CIT: variants seen among roughly 807,000 people sequenced by gnomAD.
The protein encoded by CIT is citron Rho-interacting kinase.
CIT carries 79 observed loss-of-function variants against 272.7 expected under a neutral mutation model. That is an observed-to-expected ratio of 0.29 (90% CI 0.24 to 0.35). CIT has a LOEUF of 0.35. Ranked by LOEUF, CIT falls within the 10% of genes least tolerant of loss-of-function variation. The pLI is 1.00. For missense variants in CIT, 1,909 were observed against 2,618.3 expected (o/e 0.73, Z 5.91); for synonymous variants, 948 against 995.6 (o/e 0.95, Z 0.90).
At chr12:119,736,619 T>C (rs1958774944) in intron 24 of CIT, among the ~76,000 whole-genome samples, 1 of 152,252 alleles carries the variant, frequency 6.6e-6, no homozygotes, top group Non-Finnish European at 1.5e-5. Flanking sequence ...AAAAGTTATC[T>C]GGTCAGGTTC....
At position 119,689,179 on chromosome 12, in the gene CIT, T is replaced by TAAAAC. The variant is rs1263466351; in HGVS notation, c.6187-929_6187-925dup. Among the ~76,000 whole-genome samples the TAAAAC allele has an allele frequency of 7.9e-5, 11 of 139,398 alleles. No homozygotes were observed. In the East Asian group the frequency reaches 2.0e-3, roughly 25 times the overall value. The allele number at this position is 139,398 out of a possible 152,430, so 91.5% of individuals were successfully genotyped here. ...GGGCAACATAGTAAGACCCTGTCTC[T>TAAAAC]AAAACAAAACAAAACAAACAAACAA... On this transcript the variant is annotated intron_variant, in intron 47 of 47. Coordinates refer to ENST00000392521, the MANE Select transcript of CIT (RefSeq NM_001206999.2).
Position 119,712,752 on chromosome 12 carries a change from G to A in CIT, c.4580-57C>T. The stretch of plus-strand genomic sequence containing the variant: ...ACAAAAGAACAGGAACAAGAACAAG[G>A]GGAGAAGAGAGAGCGAGAGAGACAG... On this transcript the variant is annotated intron_variant, in intron 35 of 47. Transcript: ENST00000392521. This position sits in a 1 kb window ranked among gnomAD's most constrained non-coding sequence, Gnocchi z 5.2. 7.0e-7 allele frequency: 1 copy of A among 1,431,512 alleles called. No individual in the cohort carries two copies. The highest frequency in any genetic ancestry group is 9.8e-7 in the Non-Finnish European group (1 of 1,015,372). The allele number at this position is 1,431,512 out of a possible 1,614,324, so 88.7% of individuals were successfully genotyped here.
At position 119,718,993 on chromosome 12, in the gene CIT, A is replaced by G; in HGVS notation, c.3841-132T>C. On this transcript the variant is annotated intron_variant, in intron 30 of 47. Coordinates refer to ENST00000392521, the MANE Select transcript of CIT (RefSeq NM_001206999.2). This position sits in a 1 kb window ranked among gnomAD's most constrained non-coding sequence, Gnocchi z 4.8. ...CTCACTGTAAGTGTATTTAGTAAAA[A>G]TGGCATGTGAAGGGGGGGAAGGGTA... 1 of 888,714 alleles carries G rather than the reference A, an allele frequency of 1.1e-6. No homozygotes were observed. The highest frequency in any genetic ancestry group is 1.7e-6 in the Non-Finnish European group (1 of 587,224). 55.1% of individuals were successfully genotyped at this position (888,714 alleles called of 1,614,324 possible). A position where few individuals can be genotyped will look rare whatever the true frequency, so the allele number is the denominator to read the frequency against.
chr12:119,782,655 T>C lies in CIT; in HGVS notation c.1546-18A>G. 6.2e-7 allele frequency: 1 copy of C among 1,613,390 alleles called. No individual in the cohort carries two copies. Among genetic ancestry groups the C allele is most frequent in the Non-Finnish European group, 8.5e-7 (1 of 1,179,832 alleles). On this transcript the variant is annotated intron_variant, in intron 12 of 47. Coordinates refer to ENST00000392521, the MANE Select transcript of CIT (RefSeq NM_001206999.2). ...TTTAAGCTCTGCAGAAAGCAAAAATTTTAATAGGGATGCCCTGTGGATCCT... is the reference window on the plus strand; with the variant it reads ...TTTAAGCTCTGCAGAAAGCAAAAATCTTAATAGGGATGCCCTGTGGATCCT...
At chr12:119,704,042 C>T (rs74373703) in intron 41 of CIT, among the ~76,000 whole-genome samples, 1 of 152,096 alleles carries the variant, frequency 6.6e-6, no homozygotes, top group East Asian at 1.9e-4. Context: ...AAAGAGCCCC[C>T]CCTTTTTTTT....
chr12:119,752,819 C>T (rs533662730), intron 22 of CIT, among the ~76,000 whole-genome samples: 1 of 152,292 alleles, frequency 6.6e-6, no homozygotes, highest in East Asian at 1.9e-4. Context: ...ATTTACTCAG[C>T]AATTTCTGTG....
At chr12:119,837,817 A>C (rs920294555) in intron 5 of CIT, among the ~76,000 whole-genome samples, 1 of 152,228 alleles carries the variant, frequency 6.6e-6, no homozygotes, top group Non-Finnish European at 1.5e-5. Context: ...TGCCTATCCT[A>C]GCCCTTTGGG....
rs1955607719 is a variant in CIT at position 119,686,856 on chromosome 12, C to T, written c.*1376G>A. The T allele has an allele frequency of 6.5e-6, 1 of 152,708 alleles. No individual in the cohort carries two copies. The highest frequency in any genetic ancestry group is 2.4e-5 in the African/African-American group (1 of 41,456). The allele number at this position is 152,708 out of a possible 1,614,324, so 9.5% of individuals were successfully genotyped here. The stretch of plus-strand genomic sequence containing the variant: ...CGCACTGCACCTAAGGACTTCCCAA[C>T]CCTGGCGGAGCTGGAAGAGTTGAGC... On this transcript the variant is annotated 3_prime_UTR_variant, in exon 48 of 48. Coordinates refer to ENST00000392521, the MANE Select transcript of CIT (RefSeq NM_001206999.2).
At chr12:119,822,537 C>T (rs146561046) in intron 9 of CIT, among the ~76,000 whole-genome samples, 1 of 152,166 alleles carries the variant, frequency 6.6e-6, no homozygotes, top group South Asian at 2.1e-4. Flanking sequence ...CAAGTGACAA[C>T]CTTCAAACTC....
In CIT at chr12:119,708,290, G is replaced by A. The variant is rs377318034; in HGVS notation, c.5100C>T (p.Asp1700=). Residue 1700 remains aspartate (D), a synonymous_variant, in exon 40 of 48, where the codon GAC becomes GAT. Coordinates refer to ENST00000392521, the MANE Select transcript of CIT (RefSeq NM_001206999.2). ...CCAGGGACTGTTTCACTTTCTTCAC[G>A]TCCACAAGACACAGTGCCCGCTCTT... is the stretch of plus-strand genomic sequence containing the variant. ...AGEERALCLV[D]VKKVKQSLAQ... is the part of the protein sequence containing the mutation. The A allele has an allele frequency of 2.0e-5, 32 of 1,603,824 alleles. No homozygotes were observed. In the Middle Eastern group the frequency reaches 4.9e-4, roughly 25 times the overall value.
At chr12:119,820,447 G>A (rs1019099880) in intron 9 of CIT, among the ~76,000 whole-genome samples, 5 of 152,200 alleles carry the variant, frequency 3.3e-5, no homozygotes, top group African/African-American at 9.6e-5. Context: ...GCTACTCGGA[G>A]GCTGAGGCAG....
Position 119,739,054 on chromosome 12 carries a change from T to C in CIT, c.2958+3357A>G, listed in dbSNP as rs141077130. 2.4e-3 allele frequency among the ~76,000 whole-genome samples: 360 copies of C among 152,232 alleles called. 6 individuals carry two copies. The highest frequency in any genetic ancestry group is 4.1e-4 in the Non-Finnish European group (28 of 68,008). ...GGAAAATTACCAGGTAAAAGTCCAA[T>C]GGCATGTTAGGGGTGAAGAAACCAG... On this transcript the variant is annotated intron_variant, in intron 24 of 47. Transcript: ENST00000392521.
chr12:119,715,525 T>C lies in CIT; in HGVS notation c.4169-1191A>G, dbSNP rs1957411014. On this transcript the variant is annotated intron_variant, in intron 32 of 47. Coordinates refer to ENST00000392521, the MANE Select transcript of CIT (RefSeq NM_001206999.2). ...AGATTGGTGGTTGCTAAGAAGAACA[T>C]TAGTGGAAGGAGAATGGCGGGGGAC... 2.0e-5 allele frequency among the ~76,000 whole-genome samples: 3 copies of C among 151,478 alleles called. No individual in the cohort carries two copies. The South Asian group carries it at 6.3e-4, about 32-fold the overall frequency.
Position 119,726,385 on chromosome 12 carries a change from A to ATTTTTTTTTTTTTTTTTTTTTTT in CIT, c.3591+2094_3591+2116dup, listed in dbSNP as rs3999547. On this transcript the variant is annotated intron_variant, in intron 28 of 47. Coordinates refer to ENST00000392521, the MANE Select transcript of CIT (RefSeq NM_001206999.2). ...AACTGCACACCACCACACTTGGCTA[A>ATTTTTTTTTTTTTTTTTTTTTTT]TTTTTTTTTTTTTTTTTTTTTTTTT... is the stretch of plus-strand genomic sequence containing the variant. Among the ~76,000 whole-genome samples the ATTTTTTTTTTTTTTTTTTTTTTT allele has an allele frequency of 3.0e-5, 3 of 101,418 alleles. 1 individual carries two copies. The highest frequency in any genetic ancestry group is 3.2e-4 in the South Asian group (1 of 3,162). 66.5% of individuals were successfully genotyped at this position (101,418 alleles called of 152,430 possible).
intron 5 of CIT, among the ~76,000 whole-genome samples, chr12:119,839,568 C>CT (rs1267504886): frequency 1.3e-5 from 2 of 152,226 alleles, no homozygotes; most frequent in African/African-American, 4.8e-5. Flanking sequence ...AATAAAAACT[C>CT]TGTTATTTTC....
chr12:119,866,908 C>A (rs997598091), intron 3 of CIT, among the ~76,000 whole-genome samples: 2 of 152,174 alleles, frequency 1.3e-5, no homozygotes, highest in East Asian at 1.9e-4. Context: ...TCCAGTAAAA[C>A]CTTCTTTACA....
rs568495372 is a variant in CIT, at chr12:119,712,917, T to G, written c.4580-222A>C. Reference sequence around the variant, plus strand: ...ATGAGTAGCACAGTCAAATTTCTGATGACGATGCGGATTTATGGGTTAGTT... The same window carrying G: ...ATGAGTAGCACAGTCAAATTTCTGAGGACGATGCGGATTTATGGGTTAGTT... On this transcript the variant is annotated intron_variant, in intron 35 of 47. Transcript: ENST00000392521. The surrounding 1 kb of genome is among the most constrained non-coding windows in gnomAD (Gnocchi z 5.2). The G allele has an allele frequency of 1.7e-6, 1 of 579,694 alleles. No individual in the cohort carries two copies. Among genetic ancestry groups the G allele is most frequent in the Non-Finnish European group, 3.1e-6 (1 of 327,012 alleles). The allele number at this position is 579,694 out of a possible 1,614,324, so 35.9% of individuals were successfully genotyped here. A position where few individuals can be genotyped will look rare whatever the true frequency, so the allele number is the denominator to read the frequency against.
At position 119,767,789 on chromosome 12, in the gene CIT, A is replaced by G. The variant is rs144142437; in HGVS notation, c.2209-607T>C. On this transcript the variant is annotated intron_variant, in intron 18 of 47. Transcript: ENST00000392521. ...TGCAAATGGGGACAAAGACAAACAT[A>G]TAATACACTGATAATAATGACATAA... is the stretch of plus-strand genomic sequence containing the variant. 7.7e-4 allele frequency among the ~76,000 whole-genome samples: 117 copies of G among 152,336 alleles called. 1 individual carries two copies. Among genetic ancestry groups the G allele is most frequent in the East Asian group, 5.6e-3 (29 of 5,190 alleles).
At chr12:119,875,407 T>G (rs951975679) in intron 2 of CIT, among the ~76,000 whole-genome samples, 3 of 152,198 alleles carry the variant, frequency 2.0e-5, no homozygotes, top group African/African-American at 7.2e-5. Flanking sequence ...GCTATCTACT[T>G]CTGCACAGTG....
Sources: allele counts gnomAD v4.1 joint callset (sites outside exome capture counted in the v4.1 genomes callset), GRCh38; gene constraint gnomAD v4.1.1; non-coding constraint Gnocchi (gnomAD v3.1); transcripts MANE v1.5; gene names NCBI Gene and HGNC (gene_info 2026-07-23, HGNC 2026-07-21).